Variants in STARD9 observed in about 807,000 individuals in gnomAD.
STARD9 encodes StAR related lipid transfer domain containing 9.
STARD9 carries 346 observed loss-of-function variants against 399.8 expected under a neutral mutation model. That is an observed-to-expected ratio of 0.87 (90% CI 0.79 to 0.95). The LOEUF (loss-of-function observed/expected upper bound fraction) is 0.95, where lower values mean the gene tolerates loss of function less well. STARD9 is among the 40% of genes least tolerant of loss of function. The probability of loss-of-function intolerance (pLI) is 0.00; values close to 1 mark genes in which losing one functional copy is unlikely to be tolerated. For synonymous variants in STARD9, 2,203 were observed against 2,143.5 expected, an observed-to-expected ratio of 1.03 and a Z score of -0.77; for missense variants, 5,832 against 5,667.5, an observed-to-expected ratio of 1.03 and a Z score of -0.93.
intron 25 of STARD9, 23 bp from the exon 26 acceptor site, chr15:42,695,720 T>A: frequency 1.3e-6 from 2 of 1,534,686 alleles, no homozygotes; most frequent in Non-Finnish European, 1.7e-6. Context: ...AGAAGCTGGT[T>A]AATGGTGATT....
At chr15:42,675,639 A>C in intron 18 of STARD9, 25 bp from the exon 19 acceptor site, 1 of 1,521,108 alleles carries the variant, frequency 6.6e-7, no homozygotes, top group South Asian at 1.2e-5. Flanking sequence ...TGTTGATTGA[A>C]TTCTCATTTG....
chr15:42,585,071 A>G (rs934375918), intron 2 of STARD9, among the ~76,000 whole-genome samples: 2 of 152,236 alleles, frequency 1.3e-5, no homozygotes, highest in South Asian at 4.1e-4. Flanking sequence ...AGTGTATATG[A>G]AACATAAAAG....
At chr15:42,667,472 C>T (rs1036190902) in intron 15 of STARD9, among the ~76,000 whole-genome samples, 7 of 151,146 alleles carry the variant, frequency 4.6e-5, no homozygotes, top group Non-Finnish European at 1.0e-4. Flanking sequence ...CGTGAGCCAC[C>T]GCACTTGGCC....
At chr15:42,575,800 G>A (rs1488917706) in intron 1 of STARD9, 38 bp downstream of exon 1, 1 of 1,534,780 alleles carries the variant, frequency 6.5e-7, no homozygotes, top group East Asian at 2.4e-5. Flanking sequence ...AGGCTTCACA[G>A]GAGCTGAAAA....
At chr15:42,683,943 G>A (rs2060489166) in intron 22 of STARD9, among the ~76,000 whole-genome samples, 173 bp from the exon 23 acceptor site, 1 of 152,216 alleles carries the variant, frequency 6.6e-6, no homozygotes, top group Admixed American at 6.5e-5. Flanking sequence ...TGGGCCTGGA[G>A]CCTCTTGGAG....
Position 42,687,459 on chromosome 15 carries a change from ATGG to A in STARD9, c.5885_5887del (p.Val1962del), listed in dbSNP as rs752769359. On this transcript the variant is annotated inframe_deletion, in exon 23 of 33. Transcript: ENST00000290607. Reference sequence around the variant, plus strand: ...AGATCGTAGAGTAAGCAGCCCAGTGATGGTGGCCCAGGGTGGTGGCCCAACCCC... The same window carrying A: ...AGATCGTAGAGTAAGCAGCCCAGTGATGGCCCAGGGTGGTGGCCCAACCCC... The A allele has an allele frequency of 3.9e-6, 6 of 1,537,174 alleles. No homozygotes were observed. Among genetic ancestry groups the A allele is most frequent in the Non-Finnish European group, 5.2e-6 (6 of 1,146,916 alleles).
At chr15:42,718,683 C>G (rs2061396063) in intron 31 of STARD9, 69 bp from the exon 32 acceptor site, 1 of 1,504,992 alleles carries the variant, frequency 6.6e-7, no homozygotes, top group Non-Finnish European at 8.9e-7. Context: ...ACCATACTGT[C>G]TACACGGGAG....
In STARD9 at chr15:42,690,181, C is replaced by T. The variant is rs977881955; in HGVS notation, c.8603C>T (p.Ala2868Val). 21 of 1,537,758 alleles carry T rather than the reference C, an allele frequency of 1.4e-5. No homozygotes were observed. In the Admixed American group the frequency reaches 3.7e-4, roughly 27 times the overall value. ...GCTCTGACAAGGGTTGCACTGGAAG[C>T]TCCCACACAGCAGTGTGTGCAGTGT... ...PGALTRVALE[A>V]PTQQCVQCKE... The change falls in exon 23 of 33, where the codon GCT becomes GTT. Residue 2868 changes from alanine (A) to valine (V), a missense_variant. Physicochemically the swap from Ala to Val is moderately conservative, Grantham distance 64. This residue lies in a region of STARD9 where 5,828 missense variants were observed against 5,651.1 expected (regional missense o/e 1.03). Transcript: ENST00000290607.
rs1400008210 is a variant in STARD9, at chr15:42,720,904, ATT to A, written c.*1332_*1333del. On this transcript the variant is annotated 3_prime_UTR_variant, in exon 33 of 33. Transcript: ENST00000290607. ...GGTGACATGATATATTTAACACCCTATTTATATACTCCTACCTCTTTTCATAT... is the reference window on the plus strand; with the variant it reads ...GGTGACATGATATATTTAACACCCTATATATACTCCTACCTCTTTTCATAT... 1 of 152,154 alleles carries A rather than the reference ATT, an allele frequency of 6.6e-6. No homozygotes were observed. The highest frequency in any genetic ancestry group is 2.4e-5 in the African/African-American group (1 of 41,428). 9.4% of individuals were successfully genotyped at this position (152,154 alleles called of 1,614,324 possible).
chr15:42,692,062 C>G lies in STARD9; in HGVS notation c.10484C>G (p.Ser3495Cys), dbSNP rs1289186515. The stretch of plus-strand genomic sequence containing the variant: ...ATGTCTGGCAGTGCAGTCGATGTTT[C>G]CTGCAGCCAGAAGCCCCAGGGGCTG... ...QYMSGSAVDV[S>C]CSQKPQGLTL... Residue 3495 changes from serine (S) to cysteine (C), a missense_variant, in exon 23 of 33, where the codon TCC becomes TGC. Transcript: ENST00000290607. 2 of 1,537,124 alleles carry G rather than the reference C, an allele frequency of 1.3e-6. No homozygotes were observed. The highest frequency in any genetic ancestry group is 1.7e-6 in the Non-Finnish European group (2 of 1,146,918).
chr15:42,664,725 C>A (rs1006076509), intron 13 of STARD9, among the ~76,000 whole-genome samples: 2 of 151,790 alleles, frequency 1.3e-5, no homozygotes, highest in African/African-American at 2.4e-5. Flanking sequence ...ATGCAAATTG[C>A]AGTGACTTCT....
At chr15:42,717,347 G>T (rs2061369220) in intron 28 of STARD9, among the ~76,000 whole-genome samples, 1 of 152,042 alleles carries the variant, frequency 6.6e-6, no homozygotes, top group South Asian at 2.1e-4. Context: ...ATTAGGCCAG[G>T]CGTGGTAGCT....
chr15:42,676,037 G>GT, intron 20 of STARD9, 62 bp downstream of exon 20: 10 of 835,408 alleles, frequency 1.2e-5, no homozygotes, highest in Non-Finnish European at 1.7e-5. Context: ...GTCCATGACA[G>GT]CATGGATCAG....
chr15:42,593,450 A>G (rs1422899829), intron 3 of STARD9, among the ~76,000 whole-genome samples: 4 of 152,288 alleles, frequency 2.6e-5, no homozygotes, highest in East Asian at 1.9e-4. Context: ...ATGAACAAAA[A>G]GCTAACCGCT....
intron 15 of STARD9, among the ~76,000 whole-genome samples, chr15:42,666,470 A>G (rs1165108766): frequency 6.6e-6 from 1 of 152,148 alleles, no homozygotes; most frequent in African/African-American, 2.4e-5. Context: ...AACTGGGAGA[A>G]GGAAGGGGTG....
chr15:42,663,675 T>C (rs1276759781), intron 12 of STARD9, 145 bp from the exon 13 acceptor site: 1 of 675,510 alleles, frequency 1.5e-6, no homozygotes, highest in East Asian at 2.7e-5. Flanking sequence ...GGACTGGTAC[T>C]CTATCTCAGA....
intron 26 of STARD9, among the ~76,000 whole-genome samples, chr15:42,715,931 C>T (rs1050806019): frequency 2.0e-5 from 3 of 152,124 alleles, no homozygotes; most frequent in South Asian, 2.1e-4. Context: ...GACAGGGCAG[C>T]GTGAGAGCTA....
At chr15:42,608,386 A>G (rs948755434) in intron 3 of STARD9, among the ~76,000 whole-genome samples, 1 of 152,176 alleles carries the variant, frequency 6.6e-6, no homozygotes, top group African/African-American at 2.4e-5. Flanking sequence ...GCCAAGAATG[A>G]TATGGGCTTC....
intron 4 of STARD9, among the ~76,000 whole-genome samples, chr15:42,636,476 G>A (rs528067582): frequency 3.3e-5 from 5 of 152,156 alleles, no homozygotes; most frequent in Non-Finnish European, 7.4e-5. Flanking sequence ...AGCTACTTGG[G>A]AGGCTGAGGC....
Sources: allele counts gnomAD v4.1 joint callset (sites outside exome capture counted in the v4.1 genomes callset), GRCh38; gene constraint gnomAD v4.1.1; regional missense constraint gnomAD v4.1.1; transcripts MANE v1.5; gene names NCBI Gene and HGNC (gene_info 2026-07-23, HGNC 2026-07-21).